Variants in TNKS observed in about 807,000 individuals in gnomAD.
The protein encoded by TNKS is tankyrase, also known as poly [ADP-ribose] polymerase tankyrase-1.
A neutral mutation model predicts 135.8 loss-of-function variants in TNKS; 72 were observed. The ratio of observed to expected loss-of-function variants is 0.53; its 90% CI spans 0.44 to 0.64. The LOEUF is 0.64. Among genes scored for constraint, TNKS ranks in the 30% least tolerant of loss-of-function variants. TNKS has a pLI of 0.00. For synonymous variants in TNKS, 849 were observed against 649.3 expected (o/e 1.31, Z -4.68); for missense variants, 1,769 against 1,674.0 (o/e 1.06, Z -0.99).
At chr8:9,606,294 C>T (rs1799218440) in intron 2 of TNKS, among the ~76,000 whole-genome samples, 2 of 151,402 alleles carry the variant, frequency 1.3e-5, no homozygotes, top group Non-Finnish European at 2.9e-5. Context: ...TATTTATGAG[C>T]TGTCTTCTGT....
intron 3 of TNKS, among the ~76,000 whole-genome samples, chr8:9,674,651 AT>A (rs1298171846): frequency 1.3e-5 from 2 of 152,088 alleles, no homozygotes; most frequent in Admixed American, 6.6e-5. Context: ...CAGAATTTTT[AT>A]TTTTATATAA....
intron 3 of TNKS, among the ~76,000 whole-genome samples, chr8:9,666,056 TACTC>T (rs1368156754): frequency 3.9e-5 from 6 of 152,166 alleles, no homozygotes; most frequent in East Asian, 1.9e-4. Context: ...ATCCTCATCT[TACTC>T]AGCGCAAATT....
At chr8:9,735,634 A>C (rs1055300788) in intron 17 of TNKS, 148 bp downstream of exon 17, 20 of 611,292 alleles carry the variant, frequency 3.3e-5, no homozygotes, top group Non-Finnish European at 4.9e-5. Flanking sequence ...CCCCGTCTCT[A>C]CTAAAAATAC....
At chr8:9,571,678 C>T (rs188437253) in intron 1 of TNKS, among the ~76,000 whole-genome samples, 11 of 152,228 alleles carry the variant, frequency 7.2e-5, no homozygotes, top group African/African-American at 2.2e-4. Flanking sequence ...GGGATGTTCT[C>T]GATCTCCTGA....
intron 2 of TNKS, among the ~76,000 whole-genome samples, chr8:9,582,938 G>A (rs574046628): frequency 6.6e-6 from 1 of 151,960 alleles, no homozygotes; most frequent in East Asian, 1.9e-4. Flanking sequence ...AGGCTGAGAT[G>A]GGCAGAGCAC....
Position 9,735,493 on chromosome 8 carries a change from A to C in TNKS, c.2643+7A>C. On this transcript the variant is annotated splice_region_variant and intron_variant, in intron 17 of 26. Coordinates refer to ENST00000310430, the MANE Select transcript of TNKS (RefSeq NM_003747.3). The stretch of plus-strand genomic sequence containing the variant: ...TAATGCGGCATCTTATGGGGTAAGC[A>C]TACTAACATTAAAATCTAGAAAACT... 1 of 1,609,790 alleles carries C rather than the reference A, an allele frequency of 6.2e-7. No homozygotes were observed. Among genetic ancestry groups the C allele is most frequent in the Non-Finnish European group, 8.5e-7 (1 of 1,176,084 alleles).
At chr8:9,634,960 G>A (rs1235704805) in intron 3 of TNKS, among the ~76,000 whole-genome samples, 1 of 151,928 alleles carries the variant, frequency 6.6e-6, no homozygotes, top group Non-Finnish European at 1.5e-5. Flanking sequence ...GGTGGATCAC[G>A]AGGTCAGGAG....
At chr8:9,569,554 A>G (rs982315051) in intron 1 of TNKS, among the ~76,000 whole-genome samples, 3 of 152,176 alleles carry the variant, frequency 2.0e-5, no homozygotes, top group African/African-American at 7.2e-5. Flanking sequence ...CTATTGTGGG[A>G]ATATACCACT....
At chr8:9,698,913 A>T (rs1378540887) in intron 5 of TNKS, among the ~76,000 whole-genome samples, 1 of 152,214 alleles carries the variant, frequency 6.6e-6, no homozygotes, top group Non-Finnish European at 1.5e-5. Flanking sequence ...TTTTCTGTTA[A>T]CATTTTATGA....
intron 25 of TNKS, among the ~76,000 whole-genome samples, chr8:9,768,401 T>TATC (rs757338849): frequency 4.6e-5 from 7 of 152,220 alleles, no homozygotes; most frequent in Non-Finnish European, 2.9e-5. Context: ...AACAGTAGTA[T>TATC]ATCAGTGAGA....
At chr8:9,594,898 A>AT (rs1447358767) in intron 2 of TNKS, among the ~76,000 whole-genome samples, 3 of 152,186 alleles carry the variant, frequency 2.0e-5, no homozygotes, top group Non-Finnish European at 4.4e-5. Flanking sequence ...GGACCTCTTG[A>AT]TTTAGTTTGT....
chr8:9,663,987 C>G (rs539058066), intron 3 of TNKS, among the ~76,000 whole-genome samples: 1 of 152,282 alleles, frequency 6.6e-6, no homozygotes, highest in African/African-American at 2.4e-5. Context: ...GCTGAAAGTT[C>G]CACCCATCCA....
At chr8:9,770,394 A>G in intron 26 of TNKS, 132 bp downstream of exon 26, 9 of 995,366 alleles carry the variant, frequency 9.0e-6, no homozygotes, top group Non-Finnish European at 1.1e-5. Context: ...TACTTCAGAT[A>G]CAAAATAAAG....
chr8:9,678,464 A>G (rs1275758562), intron 3 of TNKS, among the ~76,000 whole-genome samples: 1 of 152,242 alleles, frequency 6.6e-6, no homozygotes, highest in Non-Finnish European at 1.5e-5. Context: ...GACCAACTCT[A>G]TGACCATGAA....
At position 9,609,057 on chromosome 8, in the gene TNKS, A is replaced by G. The variant is rs576884259; in HGVS notation, c.899-6525A>G. ...TAAAAGTTCTGTTTAATTCTTTTAT[A>G]CATTTGCCCTATTATTTTTTATAGT... On this transcript the variant is annotated intron_variant, in intron 2 of 26. Coordinates refer to ENST00000310430, the MANE Select transcript of TNKS (RefSeq NM_003747.3). 3.5e-4 allele frequency among the ~76,000 whole-genome samples: 54 copies of G among 152,250 alleles called. No individual in the cohort carries two copies. In the South Asian group the frequency reaches 0.011, roughly 32 times the overall value.
chr8:9,663,845 G>A (rs1801851833), intron 3 of TNKS, among the ~76,000 whole-genome samples: 1 of 152,214 alleles, frequency 6.6e-6, no homozygotes. Flanking sequence ...CCCTCCCAGT[G>A]CTCCACCTTC....
chr8:9,709,002 A>C (rs1276922079), intron 9 of TNKS, among the ~76,000 whole-genome samples: 1 of 152,104 alleles, frequency 6.6e-6, no homozygotes, highest in East Asian at 1.9e-4. Context: ...TTTTTTCTTC[A>C]AATGCACTTT....
At chr8:9,616,585 T>G (rs1488352187) in intron 3 of TNKS, among the ~76,000 whole-genome samples, 1 of 152,188 alleles carries the variant, frequency 6.6e-6, no homozygotes, top group Admixed American at 6.5e-5. Context: ...GTGTGAAAAT[T>G]TAGCAAAAAT....
intron 3 of TNKS, among the ~76,000 whole-genome samples, chr8:9,641,282 A>ATT (rs1299721420): frequency 3.7e-5 from 5 of 133,750 alleles, no homozygotes; most frequent in Non-Finnish European, 4.8e-5. Context: ...TCAATTCAGA[A>ATT]TTTTTTTTTT....
Sources: gnomAD v4.1 joint callset for allele counts (sites outside exome capture counted in the v4.1 genomes callset) on GRCh38, gnomAD v4.1.1 for gene constraint, MANE v1.5 for transcripts, NCBI Gene and HGNC (gene_info 2026-07-23, HGNC 2026-07-21) for gene names.